Variants in NCKAP1 observed in about 807,000 individuals in gnomAD.
NCKAP1 encodes the protein NCK associated protein 1, also known as nck-associated protein 1.
In NCKAP1, 21 loss-of-function variants were observed where a neutral mutation model predicts 151.2. The ratio of observed to expected loss-of-function variants is 0.14; its 90% CI spans 0.10 to 0.20. The LOEUF (loss-of-function observed/expected upper bound fraction) is 0.20, where lower values mean the gene tolerates loss of function less well. NCKAP1 is among the 10% of genes least tolerant of loss of function. The pLI, the probability that NCKAP1 is intolerant of heterozygous loss-of-function variation, is 1.00. For missense variants in NCKAP1, 933 were observed against 1,352.1 expected (o/e 0.69, Z 4.86); for synonymous variants, 484 against 451.8 (o/e 1.07, Z -0.90).
intron 6 of NCKAP1, among the ~76,000 whole-genome samples, chr2:183,000,654 A>C (rs1198686148): frequency 6.6e-6 from 1 of 152,186 alleles, no homozygotes; most frequent in African/African-American, 2.4e-5. Context: ...CTTCTTGCAA[A>C]CTAATGATTC....
At chr2:182,957,358 A>G (rs1697347710) in intron 19 of NCKAP1, 99 bp downstream of exon 19, 1 of 1,206,792 alleles carries the variant, frequency 8.3e-7, no homozygotes, top group Non-Finnish European at 1.1e-6. Context: ...AATGAAGAAT[A>G]TACAATTATT....
Position 182,914,346 on chromosome 2 carries a change from C to G in NCKAP1, c.*11356G>C, listed in dbSNP as rs939753167. 3 of 152,120 alleles carry G rather than the reference C, an allele frequency of 2.0e-5. No homozygotes were observed. The highest frequency in any genetic ancestry group is 4.4e-5 in the Non-Finnish European group (3 of 68,010). 9.4% of individuals were successfully genotyped at this position (152,120 alleles called of 1,614,324 possible). On this transcript the variant is annotated 3_prime_UTR_variant, in exon 31 of 31. Transcript: ENST00000361354. ...AAATGGGGAAGGCAAGTGGAGGGAG[C>G]TGACGTTTTGGACTCTGGACAGATA...
chr2:182,936,027 C>T (rs1696867268), intron 24 of NCKAP1, among the ~76,000 whole-genome samples: 2 of 151,872 alleles, frequency 1.3e-5, no homozygotes, highest in African/African-American at 4.8e-5. Flanking sequence ...GAGGCTGAAC[C>T]GGGAAGATTG....
intron 8 of NCKAP1, among the ~76,000 whole-genome samples, chr2:182,991,889 G>T (rs959567492): frequency 1.3e-5 from 2 of 152,138 alleles, no homozygotes; most frequent in Non-Finnish European, 2.9e-5. Context: ...TACGTATCAG[G>T]ATAATTAATT....
intron 15 of NCKAP1, among the ~76,000 whole-genome samples, chr2:182,973,158 T>C (rs1395955119): frequency 2.6e-5 from 4 of 152,074 alleles, no homozygotes; most frequent in African/African-American, 4.8e-5. Flanking sequence ...CCCATAAATA[T>C]GTACAACTAT....
At chr2:182,930,612 T>C in intron 27 of NCKAP1, 83 bp downstream of exon 27, 1 of 1,046,766 alleles carries the variant, frequency 9.6e-7, no homozygotes, top group Admixed American at 2.2e-5. Context: ...GGCATTTGAA[T>C]ATATGGTTAA....
intron 23 of NCKAP1, among the ~76,000 whole-genome samples, chr2:182,943,432 T>G (rs1697036718): frequency 6.6e-6 from 1 of 152,180 alleles, no homozygotes; most frequent in African/African-American, 2.4e-5. Flanking sequence ...GTCACATTTA[T>G]TTGCTGAATT....
intron 1 of NCKAP1, among the ~76,000 whole-genome samples, chr2:183,034,393 T>C (rs74988798): frequency 6.6e-6 from 1 of 151,002 alleles, no homozygotes; most frequent in Non-Finnish European, 1.5e-5. Flanking sequence ...TTTTTTTTTT[T>C]TTCTCATTCT....
At chr2:182,955,996 G>C (rs912631164) in intron 20 of NCKAP1, among the ~76,000 whole-genome samples, 16 of 152,128 alleles carry the variant, frequency 1.1e-4, no homozygotes, top group Admixed American at 8.5e-4. Context: ...TATGAGAAAA[G>C]AATCTGGGTA....
chr2:182,928,619 A>G (rs1044411575), intron 28 of NCKAP1, among the ~76,000 whole-genome samples, 164 bp downstream of exon 28: 1 of 152,068 alleles, frequency 6.6e-6, no homozygotes, highest in East Asian at 1.9e-4. Context: ...ACATGAGCTT[A>G]CTTACACACA....
At chr2:182,947,474 A>G (rs1697130400) in intron 23 of NCKAP1, among the ~76,000 whole-genome samples, 2 of 152,186 alleles carry the variant, frequency 1.3e-5, no homozygotes, top group Admixed American at 1.3e-4. Flanking sequence ...TTCAGTACAC[A>G]TGCCTGGGTG....
chr2:183,019,570 A>G (rs1698757777), intron 2 of NCKAP1, among the ~76,000 whole-genome samples: 1 of 152,194 alleles, frequency 6.6e-6, no homozygotes, highest in Admixed American at 6.5e-5. Flanking sequence ...TTTGAGAGTT[A>G]CACTTTCAAA....
chr2:183,020,707 C>A (rs1195988660), intron 2 of NCKAP1, among the ~76,000 whole-genome samples: 1 of 152,012 alleles, frequency 6.6e-6, no homozygotes, highest in Non-Finnish European at 1.5e-5. Flanking sequence ...ATATCAATAC[C>A]ACTTCTACAG....
intron 23 of NCKAP1, among the ~76,000 whole-genome samples, chr2:182,944,028 T>G (rs1269368076): frequency 6.6e-6 from 1 of 152,202 alleles, no homozygotes; most frequent in African/African-American, 2.4e-5. Context: ...AATTTCTGAT[T>G]TAGCAGGTCT....
At position 182,946,356 on chromosome 2, in the gene NCKAP1, C is replaced by T. The variant is rs561517516; in HGVS notation, c.2602-4193G>A. 3.6e-4 allele frequency among the ~76,000 whole-genome samples: 55 copies of T among 151,978 alleles called. No individual in the cohort carries two copies. In the South Asian group the frequency reaches 7.7e-3, roughly 21 times the overall value. On this transcript the variant is annotated intron_variant, in intron 23 of 30. Transcript: ENST00000361354. ...CAGAGCTTGCAGTGAGCCGAGATCA[C>T]GCCACTGCACTCCTAGCCTGGGCGA...
Position 182,916,190 on chromosome 2 carries a change from A to AT in NCKAP1, c.*9511_*9512insA, listed in dbSNP as rs1466320195. Reference sequence around the variant, plus strand: ...CTGTCAAAAAAAAAAAAAAAAAAAAAACATGTCTCTGTGTCATCACTGAGC... The same window carrying AT: ...CTGTCAAAAAAAAAAAAAAAAAAAAATACATGTCTCTGTGTCATCACTGAGC... On this transcript the variant is annotated 3_prime_UTR_variant, in exon 31 of 31. Transcript: ENST00000361354. 1.3e-5 allele frequency: 2 copies of AT among 151,412 alleles called. No homozygotes were observed. Among genetic ancestry groups the AT allele is most frequent in the Admixed American group, 6.6e-5 (1 of 15,158 alleles). The allele number at this position is 151,412 out of a possible 1,614,324, so 9.4% of individuals were successfully genotyped here.
In NCKAP1 at chr2:183,027,144, A is replaced by G. The variant is rs1420102755; in HGVS notation, c.109-3228T>C. Among the ~76,000 whole-genome samples the G allele has an allele frequency of 4.6e-5, 7 of 152,338 alleles. No individual in the cohort carries two copies. The East Asian group carries it at 1.3e-3, about 29-fold the overall frequency. ...ACCTGAGTTTCAAGACAGGCTGTCC[A>G]TGTTTAAAATCTTGGCACCATCACT... is the stretch of plus-strand genomic sequence containing the variant. On this transcript the variant is annotated intron_variant, in intron 1 of 30. Coordinates refer to ENST00000361354, the MANE Select transcript of NCKAP1 (RefSeq NM_013436.5).
chr2:182,992,379 G>C (rs986850974), intron 8 of NCKAP1, among the ~76,000 whole-genome samples: 2 of 152,098 alleles, frequency 1.3e-5, no homozygotes, highest in Non-Finnish European at 2.9e-5. Flanking sequence ...TTCCCCATTA[G>C]GGGAGCCTGC....
At position 182,920,623 on chromosome 2, in the gene NCKAP1, C is replaced by G. The variant is rs1696535957; in HGVS notation, c.*5079G>C. On this transcript the variant is annotated 3_prime_UTR_variant, in exon 31 of 31. Coordinates refer to ENST00000361354, the MANE Select transcript of NCKAP1 (RefSeq NM_013436.5). ...TTTGTGGAGGGTCTGCTTTCTGGTT[C>G]ATGAACAGTGGCTTCTTGCTTTGTC... The G allele has an allele frequency of 6.6e-6, 1 of 152,258 alleles. No individual in the cohort carries two copies. Among genetic ancestry groups the G allele is most frequent in the East Asian group, 1.9e-4 (1 of 5,176 alleles). 9.4% of individuals were successfully genotyped at this position (152,258 alleles called of 1,614,324 possible). A position where few individuals can be genotyped will look rare whatever the true frequency, so the allele number is the denominator to read the frequency against.
Sources: gnomAD v4.1 joint callset for allele counts (sites outside exome capture counted in the v4.1 genomes callset) on GRCh38, gnomAD v4.1.1 for gene constraint, MANE v1.5 for transcripts, NCBI Gene and HGNC (gene_info 2026-07-23, HGNC 2026-07-21) for gene names.